Variants in UPF3B observed in about 807,000 individuals in gnomAD.
The protein encoded by UPF3B is UPF3B regulator of nonsense mediated mRNA decay.
A neutral mutation model predicts 40.3 loss-of-function variants in UPF3B; 7 were observed. That is an observed-to-expected ratio of 0.17 (90% confidence interval 0.10 to 0.33). The LOEUF (loss-of-function observed/expected upper bound fraction) is 0.33. Ranked by LOEUF, UPF3B falls within the 10% of genes least tolerant of loss-of-function variation. The probability of loss-of-function intolerance (pLI) is 1.00; values close to 1 mark genes in which losing one functional copy is unlikely to be tolerated. For synonymous variants in UPF3B, 117 were observed against 117.3 expected (o/e 1.00, Z 0.01); for missense variants, 229 against 358.9 (o/e 0.64, Z 2.93).
chrX:119,847,409 T>C (rs980151579), intron 3 of UPF3B, among the ~76,000 whole-genome samples: 2 of 109,053 alleles, frequency 1.8e-5, no homozygotes, highest in Non-Finnish European at 3.8e-5. Flanking sequence ...ATCGCGCCAT[T>C]GTACTTACTC....
At chrX:119,819,683 T>C (rs2055894333) in intron 4 of UPF3B, among the ~76,000 whole-genome samples, 1 of 111,894 alleles carries the variant, frequency 8.9e-6, no homozygotes, top group Non-Finnish European at 1.9e-5. Flanking sequence ...ATGAAATGAC[T>C]AGTATGTAAT....
Position 119,834,186 on chromosome X carries a change from A to C in UPF3B, c.*692T>G, listed in dbSNP as rs1051117202. 7 of 753,947 alleles carry C rather than the reference A, an allele frequency of 9.3e-6. No homozygotes were observed. Among genetic ancestry groups the C allele is most frequent in the Non-Finnish European group, 1.1e-5 (7 of 639,674 alleles). 62.1% of individuals were successfully genotyped at this position (753,947 alleles called of 1,213,427 possible). On this transcript the variant is annotated 3_prime_UTR_variant, in exon 11 of 11. Coordinates refer to ENST00000276201, the MANE Select transcript of UPF3B (RefSeq NM_080632.3). ...CAAACACACTGGATTGTCAAGAGTC[A>C]AACAAGGACTACATTTTACCTCTTA...
At chrX:119,827,446 A>T (rs2055989983) in intron 3 of UPF3B, among the ~76,000 whole-genome samples, 5 of 65,900 alleles carry the variant, frequency 7.6e-5, no homozygotes, top group East Asian at 1.6e-3. Flanking sequence ...ATATATATAT[A>T]TTTTCGAGAC....
intron 3 of UPF3B, among the ~76,000 whole-genome samples, chrX:119,849,400 C>T (rs1201159841): frequency 9.3e-6 from 1 of 107,556 alleles, no homozygotes; most frequent in Non-Finnish European, 1.9e-5. Context: ...GGCTGAGGAA[C>T]GAGAATTGCT....
At chrX:119,842,629 C>CAG (rs1556380064) in intron 5 of UPF3B, among the ~76,000 whole-genome samples, 3,528 of 107,167 alleles carry the variant, frequency 0.033, 190 homozygotes, top group African/African-American at 0.12. Context: ...CACACACACA[C>CAG]AGAGAGAGAG....
Position 119,834,990 on chromosome X carries a change from C to T in UPF3B, c.1340G>A (p.Arg447Gln). The change falls in exon 11 of 11, where the codon CGA (arginine) becomes CAA (glutamine). Residue 447 changes from arginine (R) to glutamine (Q), a missense_variant. Physicochemically the swap from Arg to Gln is conservative, Grantham distance 43 (BLOSUM62 1). Coordinates refer to ENST00000276201, the MANE Select transcript of UPF3B (RefSeq NM_080632.3). ...PAMQLYQPGA[R>Q]SRNRLCPPDD... The stretch of plus-strand genomic sequence containing the variant: ...AGGGGGACAGAGTCGATTTCGGCTT[C>T]GAGCTCCTGGTTGGTAAAGCTGCAT... 8 of 1,209,781 alleles carry T rather than the reference C, an allele frequency of 6.6e-6. No homozygotes were observed. The highest frequency in any genetic ancestry group is 6.7e-6 in the Non-Finnish European group (6 of 894,276).
chrX:119,828,688 AT>A (rs918505681), intron 3 of UPF3B, among the ~76,000 whole-genome samples: 49 of 107,457 alleles, frequency 4.6e-4, no homozygotes, highest in Non-Finnish European at 7.7e-4. Flanking sequence ...AAAAAAAAAA[AT>A]CTCCTTATAG....
chrX:119,837,829 T>C lies in UPF3B; in HGVS notation c.1230A>G (p.Thr410=), dbSNP rs2056116060. Residue 410 remains threonine, a synonymous_variant, in exon 10 of 11, where the codon ACA becomes ACG. Coordinates refer to ENST00000276201, the MANE Select transcript of UPF3B (RefSeq NM_080632.3). ...LRDKGKKAES[T]ESIGSSEKTE... is the part of the protein sequence containing the mutation. ...TTTTTTCTGAGCTGCCTATTGATTC[T>C]GTACTTTCAGCCTTCTTTCCTTTAT... 11 of 1,210,596 alleles carry C rather than the reference T, an allele frequency of 9.1e-6. No individual in the cohort carries two copies. The highest frequency in any genetic ancestry group is 1.1e-5 in the Non-Finnish European group (10 of 895,260).
At chrX:119,841,890 T>A in intron 5 of UPF3B, 112 bp from the exon 6 acceptor site, 1 of 558,537 alleles carries the variant, frequency 1.8e-6, no homozygotes, top group Non-Finnish European at 3.1e-6. Context: ...ACACCCCTTA[T>A]GCAGAAAGAT....
intron 3 of UPF3B, among the ~76,000 whole-genome samples, chrX:119,823,790 C>T (rs1274587197): frequency 9.0e-6 from 1 of 110,506 alleles, no homozygotes; most frequent in African/African-American, 3.3e-5. Context: ...TCTCACACTC[C>T]TGACCTCAAG....
intron 7 of UPF3B, 90 bp downstream of exon 7, chrX:119,840,986 C>A (rs2147786935): frequency 9.7e-7 from 1 of 1,029,344 alleles, no homozygotes; most frequent in Non-Finnish European, 1.3e-6. Flanking sequence ...ACAAAAAATT[C>A]ATTTACACCA....
intron 4 of UPF3B, among the ~76,000 whole-genome samples, chrX:119,818,799 C>T (rs962324680): frequency 9.0e-6 from 1 of 111,311 alleles, no homozygotes; most frequent in African/African-American, 3.3e-5. Context: ...TGTCAAAAGC[C>T]GCAATTACGT....
downstream of UPF3B, chrX:119,831,677 CTA>C: frequency 5.3e-6 from 4 of 754,058 alleles, no homozygotes; most frequent in Non-Finnish European, 6.3e-6. Flanking sequence ...TGGTGAGTAT[CTA>C]TAGTTGGTGC....
chrX:119,826,949 A>G (rs1358265132), intron 3 of UPF3B, among the ~76,000 whole-genome samples: 14 of 112,261 alleles, frequency 1.2e-4, no homozygotes, highest in African/African-American at 4.5e-4. Flanking sequence ...GACTTTCTGG[A>G]GGACCAGAAA....
chrX:119,846,047 C>T (rs2056226183), intron 3 of UPF3B, among the ~76,000 whole-genome samples: 1 of 106,716 alleles, frequency 9.4e-6, no homozygotes, highest in South Asian at 3.9e-4. Flanking sequence ...AAAATTATCA[C>T]GTTGGGCTGG....
chrX:119,822,324 C>T lies in UPF3B; in HGVS notation c.494+618G>A, dbSNP rs922273339. Among the ~76,000 whole-genome samples, 68 of 112,308 alleles carry T rather than the reference C, an allele frequency of 6.1e-4. 1 individual carries two copies. The highest frequency in any genetic ancestry group is 5.0e-3 in the Admixed American group (53 of 10,549). ...AATAGATGGGAATAAAGCTTCAAAG[C>T]GACTCTGCTCCACCAAAATTTAGAA... On this transcript the variant is annotated intron_variant, in intron 4 of 6. Coordinates refer to the UPF3B transcript ENST00000636792.
chrX:119,847,136 G>A (rs1307255309), intron 3 of UPF3B, among the ~76,000 whole-genome samples: 1 of 112,335 alleles, frequency 8.9e-6, no homozygotes, highest in Admixed American at 9.5e-5. Flanking sequence ...ACAAGTGTTG[G>A]CAAAGATGTG....
At chrX:119,838,851 C>T (rs763826573) in intron 8 of UPF3B, among the ~76,000 whole-genome samples, 5 of 111,661 alleles carry the variant, frequency 4.5e-5, no homozygotes, top group African/African-American at 1.3e-4. Flanking sequence ...ACATGGCTCA[C>T]CGCAACCTTG....
rs1299057957 is a variant in UPF3B at position 119,852,929 on chromosome X, G to A, written c.-1C>T. On this transcript the variant is annotated 5_prime_UTR_variant, in exon 1 of 11. Coordinates refer to ENST00000276201, the MANE Select transcript of UPF3B (RefSeq NM_080632.3). ...GCCTGTGCTCCTTCTCTTCCTTCAT[G>A]GCTACGTCCCCCGCTGAAGCGGCTT... The A allele has an allele frequency of 8.2e-7, 1 of 1,212,178 alleles. No homozygotes were observed. Among genetic ancestry groups the A allele is most frequent in the Admixed American group, 2.2e-5 (1 of 46,121 alleles).
Sources: gnomAD v4.1 joint callset for allele counts (sites outside exome capture counted in the v4.1 genomes callset) on GRCh38, gnomAD v4.1.1 for gene constraint, MANE v1.5 for transcripts, NCBI Gene and HGNC (gene_info 2026-07-23, HGNC 2026-07-21) for gene names.